Variants in PPARGC1A observed in about 807,000 individuals in gnomAD.
The protein encoded by PPARGC1A is PPARG coactivator 1 alpha.
PPARGC1A carries 25 observed loss-of-function variants against 88.7 expected under a neutral mutation model. That is an observed-to-expected ratio of 0.28 (90% CI 0.21 to 0.39). The LOEUF (loss-of-function observed/expected upper bound fraction) is 0.39, where lower values mean the gene tolerates loss of function less well. Among genes scored for constraint, PPARGC1A ranks in the 10% least tolerant of loss-of-function variants. The pLI is 1.00. For synonymous variants in PPARGC1A, 363 were observed against 355.6 expected (o/e 1.02, Z -0.24); for missense variants, 880 against 968.7 (o/e 0.91, Z 1.22).
chr4:23,925,101 T>C, the PPARGC1A span, among the ~76,000 whole-genome samples: 1 of 152,230 alleles, frequency 6.6e-6, no homozygotes, highest in South Asian at 2.1e-4. Flanking sequence ...GAACAAAATA[T>C]GGGTCTGAAA....
the PPARGC1A span, among the ~76,000 whole-genome samples, chr4:24,099,675 G>A: frequency 2.0e-5 from 3 of 152,246 alleles, no homozygotes; most frequent in Non-Finnish European, 1.5e-5. Flanking sequence ...ATTGGTTTAC[G>A]TACTTGTAAC....
chr4:24,431,763 T>G, the PPARGC1A span, among the ~76,000 whole-genome samples: 2 of 152,168 alleles, frequency 1.3e-5, no homozygotes, highest in African/African-American at 2.4e-5. Flanking sequence ...CTCCAGAAGC[T>G]AGAATAGGGC....
chr4:24,020,278 C>A, the PPARGC1A span, among the ~76,000 whole-genome samples: 1 of 152,148 alleles, frequency 6.6e-6, no homozygotes, highest in Non-Finnish European at 1.5e-5. Flanking sequence ...CTGTCAATGG[C>A]TTAAAAATAT....
the PPARGC1A span, among the ~76,000 whole-genome samples, chr4:24,209,086 GA>G: frequency 6.6e-6 from 1 of 152,158 alleles, no homozygotes; most frequent in Admixed American, 6.5e-5. Context: ...CATCGGCAGT[GA>G]AGAATGAGAT....
At chr4:24,373,714 G>C in the PPARGC1A span, among the ~76,000 whole-genome samples, 1 of 152,144 alleles carries the variant, frequency 6.6e-6, no homozygotes, top group Admixed American at 6.5e-5. Context: ...TTTAAGAATA[G>C]ATCAAATAAA....
chr4:24,322,709 G>A, the PPARGC1A span, among the ~76,000 whole-genome samples: 1 of 152,308 alleles, frequency 6.6e-6, no homozygotes, highest in African/African-American at 2.4e-5. Flanking sequence ...AGTGGTGGGA[G>A]TGTTTCTACC....
chr4:23,815,865 G>T (rs889218932), intron 7 of PPARGC1A, among the ~76,000 whole-genome samples: 2 of 151,996 alleles, frequency 1.3e-5, no homozygotes, highest in Non-Finnish European at 2.9e-5. Flanking sequence ...CTTAAGGCAA[G>T]TTGCAAGGAA....
chr4:24,406,570 C>T, the PPARGC1A span, among the ~76,000 whole-genome samples: 10 of 152,174 alleles, frequency 6.6e-5, no homozygotes, highest in Admixed American at 3.3e-4. Context: ...AATTGCACTT[C>T]GGAATTGGAA....
At chr4:24,270,845 G>A in the PPARGC1A span, among the ~76,000 whole-genome samples, 1 of 152,166 alleles carries the variant, frequency 6.6e-6, no homozygotes, top group Admixed American at 6.5e-5. Context: ...CTCTTAAAAT[G>A]AAAACCATTA....
the PPARGC1A span, among the ~76,000 whole-genome samples, chr4:24,211,911 G>A: frequency 9.2e-5 from 14 of 152,026 alleles, no homozygotes; most frequent in South Asian, 2.1e-4. Context: ...CTGTTTCATC[G>A]CCTAAGCCAG....
At chr4:24,230,581 G>C in the PPARGC1A span, among the ~76,000 whole-genome samples, 1 of 152,210 alleles carries the variant, frequency 6.6e-6, no homozygotes, top group African/African-American at 2.4e-5. Context: ...CATTTGTCCT[G>C]GGATATGGTC....
At chr4:23,867,511 A>T (rs1712277273) in intron 2 of PPARGC1A, among the ~76,000 whole-genome samples, 1 of 152,244 alleles carries the variant, frequency 6.6e-6, no homozygotes, top group Non-Finnish European at 1.5e-5. Flanking sequence ...TGTCCCGTCT[A>T]AAAAAGATAA....
chr4:23,907,495 A>T (rs192680838), upstream of PPARGC1A, among the ~76,000 whole-genome samples: 14 of 152,338 alleles, frequency 9.2e-5, no homozygotes, highest in Admixed American at 8.5e-4. Flanking sequence ...TTCAGTAAGG[A>T]GTCCCAGAGA....
the PPARGC1A span, among the ~76,000 whole-genome samples, chr4:24,305,078 A>C: frequency 3.3e-5 from 5 of 151,172 alleles, no homozygotes; most frequent in Non-Finnish European, 7.4e-5. Flanking sequence ...TAATATACAT[A>C]AGAATGGTGG....
the PPARGC1A span, among the ~76,000 whole-genome samples, chr4:24,294,750 G>A: frequency 2.0e-5 from 3 of 152,156 alleles, no homozygotes; most frequent in African/African-American, 4.8e-5. Flanking sequence ...CCAGGCAAAC[G>A]TTTCCTTTTA....
the PPARGC1A span, among the ~76,000 whole-genome samples, chr4:24,003,021 G>A: frequency 5.9e-5 from 9 of 152,048 alleles, no homozygotes; most frequent in South Asian, 2.1e-4. Context: ...CTTCTCAGTC[G>A]CCCCAGAGAA....
the PPARGC1A span, among the ~76,000 whole-genome samples, chr4:24,464,843 G>A: frequency 1.1e-4 from 16 of 151,808 alleles, no homozygotes; most frequent in East Asian, 1.9e-4. Flanking sequence ...CCCCTCCACC[G>A]CATGTTTCTC....
At chr4:24,161,992 A>C in the PPARGC1A span, among the ~76,000 whole-genome samples, 1,085 of 150,370 alleles carry the variant, frequency 7.2e-3, 14 homozygotes, top group African/African-American at 0.024. Context: ...ACACACACAC[A>C]CACACACACA....
the PPARGC1A span, among the ~76,000 whole-genome samples, chr4:23,935,272 A>T: frequency 1.2e-4 from 19 of 152,226 alleles, no homozygotes; most frequent in African/African-American, 4.6e-4. Context: ...AGAGCCATAG[A>T]CTTGGTCATT....
Sources: gnomAD v4.1 joint callset for allele counts (sites outside exome capture counted in the v4.1 genomes callset) on GRCh38, gnomAD v4.1.1 for gene constraint, MANE v1.5 for transcripts, NCBI Gene and HGNC (gene_info 2026-07-23, HGNC 2026-07-21) for gene names.